The following TENM2 variants were observed in gnomAD, a reference collection of about 807,000 sequenced individuals.
TENM2 encodes the protein teneurin transmembrane protein 2, also known as teneurin-2.
In TENM2, 52 loss-of-function variants were observed where a neutral mutation model predicts 245.2. That is an observed-to-expected ratio of 0.21 (90% confidence interval 0.17 to 0.27). The LOEUF is 0.27. Among genes scored for constraint, TENM2 ranks in the 10% least tolerant of loss-of-function variants. The pLI is 1.00. For synonymous variants in TENM2, 1,363 were observed against 1,438.9 expected, an observed-to-expected ratio of 0.95 and a Z score of 1.19; for missense variants, 3,046 against 3,666.8, an observed-to-expected ratio of 0.83 and a Z score of 4.37.
intron 2 of TENM2, among the ~76,000 whole-genome samples, chr5:167,514,468 C>A (rs1189821986): frequency 6.6e-6 from 1 of 152,134 alleles, no homozygotes; most frequent in African/African-American, 2.4e-5. Flanking sequence ...GAAGAATACA[C>A]AAAAATGTCT....
At chr5:167,966,118 G>A (rs1212453385) in intron 4 of TENM2, among the ~76,000 whole-genome samples, 1 of 152,210 alleles carries the variant, frequency 6.6e-6, no homozygotes, top group African/African-American at 2.4e-5. Context: ...GAAGCTCTGA[G>A]GAATTGGTGG....
chr5:167,405,345 G>A (rs1232141300), intron 2 of TENM2, among the ~76,000 whole-genome samples: 1 of 151,932 alleles, frequency 6.6e-6, no homozygotes, highest in African/African-American at 2.4e-5. Context: ...TAAGCAATGG[G>A]GCTCTGGTCA....
chr5:168,043,794 G>A (rs1238492068), intron 5 of TENM2, among the ~76,000 whole-genome samples: 3 of 152,210 alleles, frequency 2.0e-5, no homozygotes, highest in Non-Finnish European at 4.4e-5. Context: ...GATAAAGTAT[G>A]TGCTGAATTC....
chr5:167,154,995 G>A, the TENM2 span, among the ~76,000 whole-genome samples: 1 of 152,104 alleles, frequency 6.6e-6, no homozygotes, highest in Admixed American at 6.6e-5. Context: ...TATTGTATGA[G>A]CCTAATTACA....
intron 3 of TENM2, among the ~76,000 whole-genome samples, chr5:167,910,367 G>A (rs1022308705): frequency 6.6e-6 from 1 of 152,170 alleles, no homozygotes; most frequent in African/African-American, 2.4e-5. Context: ...TCACACAGAT[G>A]TGAGTCCCTG....
At chr5:167,853,012 C>A (rs1256045135) in intron 2 of TENM2, among the ~76,000 whole-genome samples, 2 of 148,582 alleles carry the variant, frequency 1.3e-5, no homozygotes. Context: ...CTCTGCCAGG[C>A]GCGGTGGCTC....
At chr5:167,868,736 T>A (rs1420429716) in intron 2 of TENM2, among the ~76,000 whole-genome samples, 12 of 123,448 alleles carry the variant, frequency 9.7e-5, no homozygotes, top group East Asian at 2.4e-4. Context: ...AGATTCTGTC[T>A]AAAAAAAAAA....
intron 2 of TENM2, among the ~76,000 whole-genome samples, chr5:167,813,188 A>T (rs377278774): frequency 6.6e-6 from 1 of 152,028 alleles, no homozygotes; most frequent in East Asian, 1.9e-4. Context: ...ATTCTGAGGG[A>T]GATGTGTGCA....
the TENM2 span, among the ~76,000 whole-genome samples, chr5:167,129,343 T>A: frequency 6.6e-6 from 1 of 152,164 alleles, no homozygotes; most frequent in Non-Finnish European, 1.5e-5. Flanking sequence ...AGAATCCTAA[T>A]TCCCAGCTAC....
intron 5 of TENM2, among the ~76,000 whole-genome samples, chr5:168,025,093 A>T (rs76758788): frequency 0.061 from 9,357 of 152,314 alleles, 634 homozygotes; most frequent in African/African-American, 0.16. Context: ...ACACACATGG[A>T]AATTTATTAA....
chr5:167,522,172 T>A (rs1476210944), intron 2 of TENM2, among the ~76,000 whole-genome samples: 2 of 152,138 alleles, frequency 1.3e-5, no homozygotes, highest in Non-Finnish European at 2.9e-5. Context: ...AAGACCTTTT[T>A]ATAGTTAAAC....
chr5:168,171,257 A>G (rs1758797591), intron 13 of TENM2, among the ~76,000 whole-genome samples: 2 of 152,210 alleles, frequency 1.3e-5, no homozygotes, highest in African/African-American at 4.8e-5. Flanking sequence ...CTGTTTCTTC[A>G]CACTAGACTG....
Position 167,339,355 on chromosome 5 carries a change from C to G in TENM2, c.227-35843C>G, listed in dbSNP as rs114516692. On this transcript the variant is annotated intron_variant, in intron 1 of 28. Coordinates refer to ENST00000518659, the Ensembl canonical transcript of TENM2. ...GCTGACAGATCTCTGTCCTCTTTAG[C>G]TGAAACTGGCAGTGTTGTTAATGTC... Among the ~76,000 whole-genome samples, 946 of 152,256 alleles carry G rather than the reference C, an allele frequency of 6.2e-3. 7 individuals are homozygous for G. Among genetic ancestry groups the G allele is most frequent in the Non-Finnish European group, 1.0e-2 (680 of 68,012 alleles).
the TENM2 span, among the ~76,000 whole-genome samples, chr5:167,057,562 C>T: frequency 6.4e-4 from 98 of 152,116 alleles, 1 homozygote; most frequent in African/African-American, 2.2e-3. Context: ...CTCAGTTTCC[C>T]CACTCCCTTT....
At chr5:167,397,468 A>G (rs1762119320) in intron 2 of TENM2, among the ~76,000 whole-genome samples, 1 of 152,146 alleles carries the variant, frequency 6.6e-6, no homozygotes, top group African/African-American at 2.4e-5. Context: ...TGGACCCGTG[A>G]TTGATAGGTT....
chr5:167,913,486 C>T (rs935843969), intron 3 of TENM2, among the ~76,000 whole-genome samples: 3 of 152,144 alleles, frequency 2.0e-5, no homozygotes, highest in Non-Finnish European at 4.4e-5. Context: ...AGAAAAAAAG[C>T]AACATGTTCC....
At chr5:167,688,273 T>C (rs904115207) in intron 2 of TENM2, among the ~76,000 whole-genome samples, 1 of 152,178 alleles carries the variant, frequency 6.6e-6, no homozygotes, top group African/African-American at 2.4e-5. Flanking sequence ...TGCTTTATAG[T>C]CTTTTTTCTC....
chr5:166,991,907 A>G, the TENM2 span, among the ~76,000 whole-genome samples: 1 of 152,178 alleles, frequency 6.6e-6, no homozygotes, highest in African/African-American at 2.4e-5. Flanking sequence ...ACTTATTCAT[A>G]TTCATAGTTG....
At chr5:167,520,109 T>C (rs1263504347) in intron 2 of TENM2, among the ~76,000 whole-genome samples, 1 of 152,178 alleles carries the variant, frequency 6.6e-6, no homozygotes, top group Non-Finnish European at 1.5e-5. Context: ...TCATACCAGA[T>C]ATTTAATCAC....
Sources: allele counts gnomAD v4.1 joint callset (sites outside exome capture counted in the v4.1 genomes callset), GRCh38; gene constraint gnomAD v4.1.1; transcripts MANE v1.5; gene names NCBI Gene and HGNC (gene_info 2026-07-23, HGNC 2026-07-21).